SPIDR: variants seen among roughly 807,000 people sequenced by gnomAD.
SPIDR encodes DNA repair-scaffolding protein.
A neutral mutation model predicts 104.6 loss-of-function variants in SPIDR; 93 were observed. The observed-to-expected ratio is 0.89, with a 90% CI of 0.75 to 1.06. The LOEUF (loss-of-function observed/expected upper bound fraction) is 1.06. SPIDR is among the 50% of genes least tolerant of loss of function. The probability of loss-of-function intolerance (pLI) is 0.00; values close to 1 mark genes in which losing one functional copy is unlikely to be tolerated. For synonymous variants in SPIDR, 431 were observed against 416.9 expected, an observed-to-expected ratio of 1.03 and a Z score of -0.41; for missense variants, 1,154 against 1,111.2, an observed-to-expected ratio of 1.04 and a Z score of -0.55.
At chr8:47,510,563 A>G (rs745959297) in intron 8 of SPIDR, among the ~76,000 whole-genome samples, 2 of 152,194 alleles carry the variant, frequency 1.3e-5, no homozygotes, top group Non-Finnish European at 1.5e-5. Context: ...TATATTAAAT[A>G]GAATGGGGAA....
At chr8:47,395,953 A>G (rs2061197201) in intron 5 of SPIDR, among the ~76,000 whole-genome samples, 1 of 152,206 alleles carries the variant, frequency 6.6e-6, no homozygotes, top group Non-Finnish European at 1.5e-5. Flanking sequence ...TTATACCTGA[A>G]GAGACAATTT....
chr8:47,315,989 T>C (rs184377865), intron 5 of SPIDR, among the ~76,000 whole-genome samples: 21 of 152,292 alleles, frequency 1.4e-4, no homozygotes, highest in African/African-American at 5.0e-4. Flanking sequence ...CCTAACACTC[T>C]ATAAACTTCT....
chr8:47,466,590 G>A (rs1554717036), intron 8 of SPIDR, among the ~76,000 whole-genome samples: 3 of 152,100 alleles, frequency 2.0e-5, no homozygotes, highest in African/African-American at 7.2e-5. Flanking sequence ...GCTAGGTGCA[G>A]TGGCTCACGC....
In SPIDR at chr8:47,284,064, C is replaced by T. The variant is rs1399627187; in HGVS notation, c.226C>T (p.His76Tyr). The T allele has an allele frequency of 1.2e-6, 2 of 1,612,306 alleles. No individual in the cohort carries two copies. Among genetic ancestry groups the T allele is most frequent in the African/African-American group, 1.3e-5 (1 of 74,844 alleles). Residue 76 changes from histidine (H) to tyrosine (Y), a missense_variant, in exon 3 of 20, where the codon CAC becomes TAC. Coordinates refer to ENST00000297423, the MANE Select transcript of SPIDR (RefSeq NM_001080394.4). ...TAEEKTITEK[H>Y]LELCPRPKQE... ...TGAAGAGAAGACGATTACAGAAAAG[C>T]ACCTTGAATTATGCCCTAGACCCAA...
At chr8:47,384,706 C>T (rs2059691165) in intron 5 of SPIDR, among the ~76,000 whole-genome samples, 1 of 152,318 alleles carries the variant, frequency 6.6e-6, no homozygotes, top group Admixed American at 6.5e-5. Flanking sequence ...CACACCCCTG[C>T]CGTCCTCTCC....
chr8:47,327,292 TTG>T lies in SPIDR; in HGVS notation c.525+33266_525+33267del, dbSNP rs2047822975. 2.0e-5 allele frequency among the ~76,000 whole-genome samples: 3 copies of T among 152,336 alleles called. No homozygotes were observed. The South Asian group carries it at 6.2e-4, about 32-fold the overall frequency. ...GTTTTTTGTTGATTTCTTTTTCTGG[TTG>T]TGTTATAAGAGAATGATCTATATAT... On this transcript the variant is annotated intron_variant, in intron 5 of 19. Coordinates refer to ENST00000297423, the MANE Select transcript of SPIDR (RefSeq NM_001080394.4).
At chr8:47,504,697 G>A (rs1049416489) in intron 8 of SPIDR, among the ~76,000 whole-genome samples, 1 of 152,206 alleles carries the variant, frequency 6.6e-6, no homozygotes, top group Non-Finnish European at 1.5e-5. Context: ...TTCCTTTGGA[G>A]GAGGAGAGGC....
intron 7 of SPIDR, among the ~76,000 whole-genome samples, chr8:47,415,199 G>T (rs1205151221): frequency 1.3e-5 from 2 of 151,938 alleles, no homozygotes; most frequent in African/African-American, 4.8e-5. Flanking sequence ...CACCATGCCC[G>T]GCCTATTCTG....
intron 1 of SPIDR, 96 bp from the exon 2 acceptor site, chr8:47,279,766 A>G (rs978275065): frequency 1.4e-5 from 17 of 1,258,668 alleles, no homozygotes; most frequent in African/African-American, 3.0e-5. Flanking sequence ...TGCCACTTCT[A>G]GGTTTTCAGA....
intron 10 of SPIDR, among the ~76,000 whole-genome samples, chr8:47,621,505 G>A (rs940099248): frequency 2.0e-5 from 3 of 152,094 alleles, no homozygotes; most frequent in East Asian, 1.9e-4. Flanking sequence ...CTTATTGTGC[G>A]CGCCTCTCTC....
intron 14 of SPIDR, among the ~76,000 whole-genome samples, chr8:47,711,735 A>T (rs1036995699): frequency 6.6e-6 from 1 of 152,206 alleles, no homozygotes; most frequent in Non-Finnish European, 1.5e-5. Flanking sequence ...GATCATTACC[A>T]CAGAATTTAT....
At position 47,462,859 on chromosome 8, in the gene SPIDR, A is replaced by G. The variant is rs557934620; in HGVS notation, c.1097+22317A>G. 3.9e-5 allele frequency among the ~76,000 whole-genome samples: 6 copies of G among 152,326 alleles called. No homozygotes were observed. The South Asian group carries it at 1.2e-3, about 32-fold the overall frequency. ...CCACGAAAAAACTGGTCAAATTACTAGAATCAAAACTGAAGAGACTATTAC... is the reference window on the plus strand; with the variant it reads ...CCACGAAAAAACTGGTCAAATTACTGGAATCAAAACTGAAGAGACTATTAC... On this transcript the variant is annotated intron_variant, in intron 8 of 19. Transcript: ENST00000297423.
chr8:47,505,656 T>C (rs1311668992), intron 8 of SPIDR, among the ~76,000 whole-genome samples: 1 of 152,036 alleles, frequency 6.6e-6, no homozygotes, highest in African/African-American at 2.4e-5. Context: ...TACTCCCCAG[T>C]GCGATACCTC....
chr8:47,586,989 C>T (rs181255364), intron 8 of SPIDR, among the ~76,000 whole-genome samples: 2 of 152,128 alleles, frequency 1.3e-5, no homozygotes, highest in African/African-American at 4.8e-5. Flanking sequence ...AGGCTGGTCT[C>T]GAACTCCCGA....
chr8:47,414,642 T>G (rs1337373294), intron 7 of SPIDR, among the ~76,000 whole-genome samples: 1 of 152,192 alleles, frequency 6.6e-6, no homozygotes, highest in African/African-American at 2.4e-5. Context: ...CAAGTTGTTG[T>G]GTATGTCAGT....
intron 8 of SPIDR, among the ~76,000 whole-genome samples, chr8:47,479,981 A>G (rs782664490): frequency 2.0e-5 from 3 of 152,176 alleles, no homozygotes; most frequent in Non-Finnish European, 4.4e-5. Flanking sequence ...AAAAGATTTG[A>G]CCACCAGCCA....
In SPIDR at chr8:47,599,151, G is replaced by T; in HGVS notation, c.1499G>T (p.Gly500Val). 1 of 1,613,754 alleles carries T rather than the reference G, an allele frequency of 6.2e-7. No individual in the cohort carries two copies. The highest frequency in any genetic ancestry group is 1.1e-5 in the South Asian group (1 of 90,986). The part of the protein sequence containing the change: ...YSLPSRDSTR[G>V]QQGASSGHTD... The stretch of plus-strand genomic sequence containing the variant: ...CTTCCCAGCAGAGACAGCACCAGGG[G>T]TCAGCAGGGGGCCAGCTCAGGACAC... Residue 500 changes from glycine to valine, a missense_variant, in exon 10 of 20, where the codon GGT (glycine) becomes GTT (valine). Coordinates refer to ENST00000297423, the MANE Select transcript of SPIDR (RefSeq NM_001080394.4).
At chr8:47,706,684 A>G (rs2081142890) in intron 14 of SPIDR, among the ~76,000 whole-genome samples, 1 of 152,170 alleles carries the variant, frequency 6.6e-6, no homozygotes, top group African/African-American at 2.4e-5. Context: ...ATGTTGTCTT[A>G]TGGTTGTTAC....
chr8:47,332,869 T>G (rs2049008492), intron 5 of SPIDR, among the ~76,000 whole-genome samples: 1 of 126,780 alleles, frequency 7.9e-6, no homozygotes, highest in Non-Finnish European at 1.6e-5. Flanking sequence ...CTTGTAAATT[T>G]GTTTGAGTTC....
Sources: allele counts gnomAD v4.1 joint callset (sites outside exome capture counted in the v4.1 genomes callset), GRCh38; gene constraint gnomAD v4.1.1; transcripts MANE v1.5; gene names NCBI Gene and HGNC (gene_info 2026-07-23, HGNC 2026-07-21).